The following EDIL3 variants were observed in gnomAD, a reference collection of about 807,000 sequenced individuals.
The protein encoded by EDIL3 is EGF-like repeat and discoidin I-like domain-containing protein 3.
A neutral mutation model predicts 67.4 loss-of-function variants in EDIL3; 37 were observed. That is an observed-to-expected ratio of 0.55 (90% CI 0.42 to 0.72). The LOEUF (loss-of-function observed/expected upper bound fraction) is 0.72. EDIL3 is among the 30% of genes least tolerant of loss of function. The pLI is 0.00. For synonymous variants in EDIL3, 195 were observed against 196.3 expected (o/e 0.99, Z 0.05); for missense variants, 527 against 586.3 (o/e 0.90, Z 1.04).
At chr5:84,201,106 A>T (rs115140039) in intron 3 of EDIL3, among the ~76,000 whole-genome samples, 2,882 of 152,180 alleles carry the variant, frequency 0.019, 99 homozygotes, top group African/African-American at 0.066. Context: ...GTGAACATAA[A>T]TACTAATTCA....
intron 3 of EDIL3, among the ~76,000 whole-genome samples, chr5:84,184,908 T>G (rs1417693419): frequency 6.6e-6 from 1 of 152,216 alleles, no homozygotes; most frequent in Non-Finnish European, 1.5e-5. Flanking sequence ...TCAGAGGTTA[T>G]GGCTGCTGTT....
At chr5:84,298,011 C>T (rs763307294) in intron 1 of EDIL3, among the ~76,000 whole-genome samples, 9 of 152,070 alleles carry the variant, frequency 5.9e-5, no homozygotes, top group African/African-American at 9.7e-5. Context: ...TTTTAGACCC[C>T]GGACCCCAGA....
chr5:84,139,389 T>A (rs1748150857), intron 4 of EDIL3, among the ~76,000 whole-genome samples: 1 of 152,128 alleles, frequency 6.6e-6, no homozygotes, highest in Non-Finnish European at 1.5e-5. Context: ...CTTTCCTTTT[T>A]AAAAATATAA....
intron 9 of EDIL3, among the ~76,000 whole-genome samples, chr5:83,983,376 A>G (rs567278338): frequency 4.6e-5 from 7 of 152,270 alleles, no homozygotes; most frequent in African/African-American, 1.2e-4. Flanking sequence ...GGATGAAATG[A>G]AAGAGATTGG....
intron 6 of EDIL3, among the ~76,000 whole-genome samples, chr5:84,075,202 G>A (rs930228641): frequency 4.0e-5 from 6 of 151,780 alleles, no homozygotes; most frequent in African/African-American, 1.5e-4. Flanking sequence ...ACTGTTGTGG[G>A]GTGGGGGGAG....
chr5:84,346,366 C>T (rs1221180596), intron 1 of EDIL3, among the ~76,000 whole-genome samples: 1 of 151,876 alleles, frequency 6.6e-6, no homozygotes, highest in East Asian at 1.9e-4. Context: ...CAGCCAGTGA[C>T]GATACATGAA....
At chr5:84,007,827 T>A (rs1168791562) in intron 9 of EDIL3, among the ~76,000 whole-genome samples, 1 of 152,156 alleles carries the variant, frequency 6.6e-6, no homozygotes, top group African/African-American at 2.4e-5. Context: ...ATATTCCTAC[T>A]CCCAGGTTTA....
chr5:84,229,718 T>C, intron 3 of EDIL3, 137 bp downstream of exon 3: 2 of 865,472 alleles, frequency 2.3e-6, no homozygotes, highest in Non-Finnish European at 3.6e-6. Flanking sequence ...GCTCAGCAAA[T>C]ATAAAAGTAA....
At chr5:84,380,347 T>C (rs896994990) in intron 1 of EDIL3, among the ~76,000 whole-genome samples, 1 of 152,032 alleles carries the variant, frequency 6.6e-6, no homozygotes, top group Non-Finnish European at 1.5e-5. Flanking sequence ...CTTTTTAAAA[T>C]AATAATGTTA....
At chr5:84,096,191 C>G (rs568636170) in intron 6 of EDIL3, among the ~76,000 whole-genome samples, 1 of 152,302 alleles carries the variant, frequency 6.6e-6, no homozygotes, top group South Asian at 2.1e-4. Flanking sequence ...GGGGCACCAC[C>G]TAGTGGAGCT....
intron 6 of EDIL3, among the ~76,000 whole-genome samples, chr5:84,080,298 CAA>C (rs369961167): frequency 2.0e-4 from 11 of 54,270 alleles, no homozygotes; most frequent in Admixed American, 2.6e-4. Flanking sequence ...GACTCTGTCT[CAA>C]AAAAAAAAAA....
intron 1 of EDIL3, among the ~76,000 whole-genome samples, chr5:84,360,507 T>C (rs1345454779): frequency 6.6e-6 from 1 of 152,110 alleles, no homozygotes; most frequent in Non-Finnish European, 1.5e-5. Context: ...TAATAAAAAG[T>C]GAGCAAACAA....
At chr5:84,212,394 C>T (rs1325588269) in intron 3 of EDIL3, among the ~76,000 whole-genome samples, 2 of 152,268 alleles carry the variant, frequency 1.3e-5, no homozygotes, top group African/African-American at 2.4e-5. Flanking sequence ...ATTCAAATCC[C>T]TTTAGGGATA....
chr5:84,140,303 T>A (rs907137933), intron 4 of EDIL3, among the ~76,000 whole-genome samples: 14 of 152,218 alleles, frequency 9.2e-5, no homozygotes, highest in African/African-American at 3.1e-4. Context: ...CTTGCTGATT[T>A]GTAATGTTAA....
intron 1 of EDIL3, among the ~76,000 whole-genome samples, chr5:84,279,171 A>C (rs1354746972): frequency 6.6e-6 from 1 of 152,160 alleles, no homozygotes; most frequent in Non-Finnish European, 1.5e-5. Context: ...AATTTATTCG[A>C]AGGCTGCCAT....
chr5:83,963,224 T>C lies in EDIL3; in HGVS notation c.1274A>G (p.Glu425Gly). 1 of 1,598,018 alleles carries C rather than the reference T, an allele frequency of 6.3e-7. No individual in the cohort carries two copies. The highest frequency in any genetic ancestry group is 8.5e-7 in the Non-Finnish European group (1 of 1,173,558). ...ACTTACCTTATCTTTTCTTTGCTTT[T>C]CATCCTGGTATACAGTCCAGTGTTC... ...DGEHWTVYQD[E>G]KQRKDKVFQG... The change falls in exon 10 of 11, where the codon GAA becomes GGA. Residue 425 changes from glutamate to glycine, a missense_variant. Glu to Gly is a moderately conservative substitution (Grantham distance 98, BLOSUM62 -2). Around this residue, in one of 2 missense-constraint regions of EDIL3, gnomAD observed 494 missense variants for 522.5 expected, o/e 0.95. Coordinates refer to ENST00000296591, the MANE Select transcript of EDIL3 (RefSeq NM_005711.5).
chr5:84,325,501 G>A (rs1289638465), intron 1 of EDIL3, among the ~76,000 whole-genome samples: 1 of 151,984 alleles, frequency 6.6e-6, no homozygotes, highest in Non-Finnish European at 1.5e-5. Flanking sequence ...TGTTGGTGAG[G>A]ATGTGGAGTA....
chr5:83,994,505 A>T (rs1258992143), intron 9 of EDIL3, among the ~76,000 whole-genome samples: 1 of 152,194 alleles, frequency 6.6e-6, no homozygotes, highest in Non-Finnish European at 1.5e-5. Context: ...AACAAAAATA[A>T]GTTGCATTAA....
intron 3 of EDIL3, among the ~76,000 whole-genome samples, chr5:84,200,650 A>C (rs1392417959): frequency 1.3e-5 from 2 of 152,102 alleles, no homozygotes; most frequent in African/African-American, 4.8e-5. Flanking sequence ...TTGTTTTAAC[A>C]AAACTAATTA....
Sources: allele counts gnomAD v4.1 joint callset (sites outside exome capture counted in the v4.1 genomes callset), GRCh38; gene constraint gnomAD v4.1.1; regional missense constraint gnomAD v4.1.1; transcripts MANE v1.5; gene names NCBI Gene and HGNC (gene_info 2026-07-23, HGNC 2026-07-21).